Variants in ZNF81 observed in about 807,000 individuals in gnomAD.
The protein encoded by ZNF81 is zinc finger protein 81 (HFZ20).
A neutral mutation model predicts 32.3 loss-of-function variants in ZNF81; 5 were observed. The ratio of observed to expected loss-of-function variants is 0.15; its 90% CI spans 0.08 to 0.33. ZNF81 has a LOEUF of 0.33. Ranked by LOEUF, ZNF81 falls within the 10% of genes least tolerant of loss-of-function variation. The probability of loss-of-function intolerance (pLI) is 1.00; values close to 1 mark genes in which losing one functional copy is unlikely to be tolerated. For synonymous variants in ZNF81, 163 were observed against 166.8 expected, an observed-to-expected ratio of 0.98 and a Z score of 0.17; for missense variants, 379 against 479.8, an observed-to-expected ratio of 0.79 and a Z score of 1.96.
At chrX:47,893,785 A>G (rs1402699125) in intron 3 of ZNF81, among the ~76,000 whole-genome samples, 1 of 79,219 alleles carries the variant, frequency 1.3e-5, no homozygotes, top group African/African-American at 4.5e-5. Flanking sequence ...ACAGAGTGAG[A>G]CTCTGTCTCA....
chrX:47,885,928 T>G (rs781847910), intron 2 of ZNF81, among the ~76,000 whole-genome samples: 1 of 112,398 alleles, frequency 8.9e-6, no homozygotes, highest in African/African-American at 3.2e-5. Context: ...GGATAATTTC[T>G]GTTGGTCTAT....
intron 2 of ZNF81, among the ~76,000 whole-genome samples, chrX:47,881,069 G>A (rs1447235850): frequency 1.8e-5 from 2 of 111,939 alleles, no homozygotes; most frequent in African/African-American, 6.5e-5. Context: ...CCATTTTGGA[G>A]GGTGTGGAGT....
chrX:47,859,780 G>T (rs1367238356), intron 2 of ZNF81, among the ~76,000 whole-genome samples: 1 of 111,512 alleles, frequency 9.0e-6, no homozygotes, highest in Non-Finnish European at 1.9e-5. Context: ...TAACATTTGT[G>T]CCAGCTCCCC....
chrX:47,841,044 AT>A, intron 1 of ZNF81: 4 of 873,940 alleles, frequency 4.6e-6, no homozygotes, highest in Non-Finnish European at 5.0e-6. Flanking sequence ...AGCCTACTCT[AT>A]TTTTGGTAGC....
At chrX:47,886,065 C>G (rs1364965150) in intron 2 of ZNF81, among the ~76,000 whole-genome samples, 4 of 112,061 alleles carry the variant, frequency 3.6e-5, no homozygotes, top group African/African-American at 1.3e-4. Context: ...GTTGGCCTAT[C>G]CTATTTAATC....
At chrX:47,862,089 G>A (rs2058542465) in intron 2 of ZNF81, among the ~76,000 whole-genome samples, 1 of 111,305 alleles carries the variant, frequency 9.0e-6, no homozygotes, top group South Asian at 3.8e-4. Flanking sequence ...GCCTTGTTTT[G>A]GTGAGGTCTC....
chrX:47,890,468 C>T (rs1221381505), intron 3 of ZNF81, among the ~76,000 whole-genome samples: 2 of 112,263 alleles, frequency 1.8e-5, no homozygotes, highest in Non-Finnish European at 3.8e-5. Flanking sequence ...TTATCCACTA[C>T]TACAGGATGG....
intron 2 of ZNF81, among the ~76,000 whole-genome samples, chrX:47,867,941 G>T (rs2058565995): frequency 1.8e-5 from 2 of 111,397 alleles, no homozygotes; most frequent in Non-Finnish European, 3.8e-5. Flanking sequence ...TTTATAAAAC[G>T]TAGCCCTGTA....
intron 2 of ZNF81, among the ~76,000 whole-genome samples, chrX:47,887,261 T>G (rs782656208): frequency 4.5e-5 from 5 of 112,071 alleles, no homozygotes; most frequent in African/African-American, 6.5e-5. Flanking sequence ...GTATAAATCC[T>G]TCATACTTTT....
chrX:47,903,906 G>A (rs1367863016), intron 4 of ZNF81, among the ~76,000 whole-genome samples: 1 of 107,347 alleles, frequency 9.3e-6, no homozygotes, highest in Non-Finnish European at 1.9e-5. Context: ...AAATAATGCC[G>A]CATATCTACA....
At chrX:47,899,001 G>C (rs782688048) in intron 4 of ZNF81, among the ~76,000 whole-genome samples, 1 of 111,727 alleles carries the variant, frequency 9.0e-6, no homozygotes, top group Non-Finnish European at 1.9e-5. Flanking sequence ...TTTCTTGTAA[G>C]TTCCTCAGGA....
At chrX:47,903,246 A>G (rs782765119) in intron 4 of ZNF81, among the ~76,000 whole-genome samples, 107 of 104,941 alleles carry the variant, frequency 1.0e-3, no homozygotes, top group African/African-American at 3.2e-3. Context: ...AGGGTATTCA[A>G]TTAGGAAAAG....
Position 47,895,173 on chromosome X carries a change from C to T in ZNF81, c.182-672C>T, listed in dbSNP as rs1452093990. Among the ~76,000 whole-genome samples the T allele has an allele frequency of 4.5e-5, 5 of 110,862 alleles. No homozygotes were observed. The East Asian group carries it at 8.5e-4, about 19-fold the overall frequency. ...AAAACTATGTGGAAATCCTACCCCT[C>T]GATACTTCAGAATGTGACCATATTT... On this transcript the variant is annotated intron_variant, in intron 3 of 4. Transcript: ENST00000338637.
chrX:47,867,357 A>C (rs914587358), intron 2 of ZNF81, among the ~76,000 whole-genome samples: 1 of 112,224 alleles, frequency 8.9e-6, no homozygotes, highest in African/African-American at 3.2e-5. Context: ...TACAAATACA[A>C]GTTTTTTCAG....
At chrX:47,871,174 CT>C (rs11321100) in intron 2 of ZNF81, among the ~76,000 whole-genome samples, 1,160 of 111,191 alleles carry the variant, frequency 0.01, 22 homozygotes, top group African/African-American at 0.037. Context: ...ATTATTTTAT[CT>C]TACTCAGCAG....
chrX:47,845,707 C>CTATT (rs1439990531), intron 1 of ZNF81, among the ~76,000 whole-genome samples: 2 of 111,812 alleles, frequency 1.8e-5, no homozygotes, highest in Non-Finnish European at 3.8e-5. Flanking sequence ...AAATTACCTG[C>CTATT]TATTACATGC....
intron 2 of ZNF81, among the ~76,000 whole-genome samples, chrX:47,885,623 T>C (rs1174465713): frequency 2.7e-5 from 3 of 111,605 alleles, no homozygotes; most frequent in Admixed American, 1.9e-4. Context: ...AGATGGCGCC[T>C]TGTTGCTGTG....
intron 4 of ZNF81, among the ~76,000 whole-genome samples, chrX:47,896,492 ACTCCT>A (rs1556887257): frequency 9.2e-6 from 1 of 108,763 alleles, no homozygotes; most frequent in Non-Finnish European, 1.9e-5. Context: ...CAGATTCCTC[ACTCCT>A]CTCCACCTTC....
chrX:47,905,099 A>T (rs2058715880), intron 4 of ZNF81, among the ~76,000 whole-genome samples: 1 of 110,112 alleles, frequency 9.1e-6, no homozygotes. Flanking sequence ...GCATTAGCCG[A>T]TATACCTAAT....
Sources: allele counts gnomAD v4.1 joint callset (sites outside exome capture counted in the v4.1 genomes callset), GRCh38; gene constraint gnomAD v4.1.1; transcripts MANE v1.5; gene names NCBI Gene and HGNC (gene_info 2026-07-23, HGNC 2026-07-21).